Variants in FBLN7 observed in about 807,000 individuals in gnomAD.
The protein encoded by FBLN7 is fibulin-7.
Under a neutral mutation model 44.0 loss-of-function variants are expected in FBLN7, and 31 were observed. The ratio of observed to expected loss-of-function variants is 0.70; its 90% CI spans 0.53 to 0.95. FBLN7 has a LOEUF of 0.95. Ranked by LOEUF, FBLN7 falls within the 40% of genes least tolerant of loss-of-function variation. The pLI is 0.00. For synonymous variants in FBLN7, 262 were observed against 253.4 expected (o/e 1.03, Z -0.32); for missense variants, 573 against 618.5 (o/e 0.93, Z 0.78).
chr2:112,208,455 G>C, the FBLN7 span, among the ~76,000 whole-genome samples: 1 of 152,058 alleles, frequency 6.6e-6, no homozygotes, highest in Non-Finnish European at 1.5e-5. Flanking sequence ...TAGTGGACTG[G>C]GGACTGGATT....
intron 2 of FBLN7, among the ~76,000 whole-genome samples, chr2:112,163,878 C>T (rs1682004402): frequency 6.6e-6 from 1 of 152,228 alleles, no homozygotes; most frequent in Admixed American, 6.5e-5. Flanking sequence ...AGTCCTGTTG[C>T]CTCCTTGACA....
rs146254964 is a variant in FBLN7 at position 112,163,794 on chromosome 2, G to A, written c.236-1207G>A. 1.6e-4 allele frequency among the ~76,000 whole-genome samples: 24 copies of A among 152,276 alleles called. No individual in the cohort carries two copies. The East Asian group carries it at 4.1e-3, about 26-fold the overall frequency. On this transcript the variant is annotated intron_variant, in intron 2 of 7. Coordinates refer to ENST00000331203, the MANE Select transcript of FBLN7 (RefSeq NM_153214.3). ...CTTTTTGTTTTCTTTCCAATGCCCC[G>A]TGTAACTCTGAGCTGTCTTGATCCT...
chr2:112,230,413 T>C, the FBLN7 span, among the ~76,000 whole-genome samples: 1 of 152,186 alleles, frequency 6.6e-6, no homozygotes, highest in East Asian at 1.9e-4. Flanking sequence ...TTACAAGAGT[T>C]AGTATTTTTA....
At chr2:112,236,630 G>A in the FBLN7 span, 4 of 1,613,886 alleles carry the variant, frequency 2.5e-6, no homozygotes, top group Non-Finnish European at 2.5e-6. Context: ...GGCCATTTTC[G>A]CTTCATTTTC....
At chr2:112,194,550 A>G in the FBLN7 span, among the ~76,000 whole-genome samples, 1 of 152,230 alleles carries the variant, frequency 6.6e-6, no homozygotes, top group Non-Finnish European at 1.5e-5. Flanking sequence ...TTAGGACCCA[A>G]TCACATATTG....
the FBLN7 span, among the ~76,000 whole-genome samples, chr2:112,236,007 G>A: frequency 4.1e-4 from 62 of 151,954 alleles, no homozygotes; most frequent in Non-Finnish European, 6.9e-4. Context: ...CAGCACTTAG[G>A]GAGGTGGTGG....
chr2:112,186,837 T>C (rs1683292249), intron 7 of FBLN7, among the ~76,000 whole-genome samples: 1 of 152,134 alleles, frequency 6.6e-6, no homozygotes. Context: ...AGGCTATATT[T>C]TTCTGTAAAA....
chr2:112,201,484 A>T, the FBLN7 span, among the ~76,000 whole-genome samples: 1 of 152,130 alleles, frequency 6.6e-6, no homozygotes, highest in Non-Finnish European at 1.5e-5. Flanking sequence ...AGGCCTGCAC[A>T]TCTTATTTGA....
downstream of FBLN7, chr2:112,188,432 T>G (rs1316643055): frequency 6.6e-6 from 1 of 152,176 alleles, no homozygotes; most frequent in Non-Finnish European, 1.5e-5. Flanking sequence ...AATGCTTGAG[T>G]TGTCATAGAT....
At chr2:112,230,269 G>C in the FBLN7 span, among the ~76,000 whole-genome samples, 4 of 152,240 alleles carry the variant, frequency 2.6e-5, no homozygotes, top group African/African-American at 9.6e-5. Flanking sequence ...CAGTTTGTAG[G>C]AGTATAAACT....
the FBLN7 span, among the ~76,000 whole-genome samples, chr2:112,233,663 C>T: frequency 6.6e-6 from 1 of 152,066 alleles, no homozygotes; most frequent in Non-Finnish European, 1.5e-5. Flanking sequence ...GTCAGGAGAT[C>T]GAGACCATCC....
chr2:112,184,745 T>TAC lies in FBLN7; in HGVS notation c.809-449_809-448dup, dbSNP rs202159771. 1.7e-3 allele frequency among the ~76,000 whole-genome samples: 245 copies of TAC among 146,028 alleles called. 1 individual carries two copies. Among genetic ancestry groups the TAC allele is most frequent in the African/African-American group, 6.0e-3 (240 of 39,756 alleles). ...TATATATGTATATGGTATATATATA[T>TAC]ACACACACCATATATACCATATATA... On this transcript the variant is annotated intron_variant, in intron 6 of 7. Coordinates refer to ENST00000331203, the MANE Select transcript of FBLN7 (RefSeq NM_153214.3).
intron 4 of FBLN7, among the ~76,000 whole-genome samples, chr2:112,180,575 A>C (rs947775950): frequency 3.9e-5 from 6 of 152,226 alleles, no homozygotes; most frequent in African/African-American, 1.4e-4. Flanking sequence ...CACAATAGCA[A>C]AGACATGGAA....
chr2:112,149,192 A>C (rs1176997034), intron 1 of FBLN7, among the ~76,000 whole-genome samples: 1 of 152,160 alleles, frequency 6.6e-6, no homozygotes, highest in Non-Finnish European at 1.5e-5. Flanking sequence ...CCCTGATTGC[A>C]GAGGAGAATG....
intron 7 of FBLN7, 148 bp downstream of exon 7, chr2:112,185,487 C>A: frequency 8.9e-7 from 1 of 1,125,716 alleles, no homozygotes; most frequent in Non-Finnish European, 1.2e-6. Flanking sequence ...TCTGAATTTC[C>A]ATTTCCGCTT....
At chr2:112,238,578 C>A in the FBLN7 span, 1 of 1,470,300 alleles carries the variant, frequency 6.8e-7, no homozygotes, top group Non-Finnish European at 9.2e-7. Context: ...TGATTCAAAA[C>A]AATCTGGCTA....
At chr2:112,225,575 G>C in the FBLN7 span, among the ~76,000 whole-genome samples, 3 of 152,240 alleles carry the variant, frequency 2.0e-5, no homozygotes, top group Non-Finnish European at 4.4e-5. Context: ...CCAACACTTT[G>C]GGAGGCTGAG....
chr2:112,232,093 T>G, the FBLN7 span: 1 of 423,590 alleles, frequency 2.4e-6, no homozygotes, highest in Admixed American at 4.2e-5. Context: ...GCAGATCACT[T>G]GAGGCCAGGA....
chr2:112,231,982 TC>T, the FBLN7 span: 1 of 1,253,862 alleles, frequency 8.0e-7, no homozygotes, highest in Non-Finnish European at 1.1e-6. Context: ...ACAATTTTAA[TC>T]CAATTGAAAT....
Sources: allele counts gnomAD v4.1 joint callset (sites outside exome capture counted in the v4.1 genomes callset), GRCh38; gene constraint gnomAD v4.1.1; transcripts MANE v1.5; gene names NCBI Gene and HGNC (gene_info 2026-07-23, HGNC 2026-07-21).